FSTL4: variants seen among roughly 807,000 people sequenced by gnomAD.
FSTL4 encodes follistatin like 4, also known as follistatin-related protein 4.
In FSTL4, 28 loss-of-function variants were observed where a neutral mutation model predicts 78.2. The observed-to-expected ratio is 0.36, with a 90% CI of 0.27 to 0.49. The LOEUF (loss-of-function observed/expected upper bound fraction) is 0.49, where lower values mean the gene tolerates loss of function less well. FSTL4 is among the 20% of genes least tolerant of loss of function. The pLI, the probability that FSTL4 is intolerant of heterozygous loss-of-function variation, is 0.98. For missense variants in FSTL4, 922 were observed against 1,084.9 expected (o/e 0.85, Z 2.11); for synonymous variants, 422 against 440.5 (o/e 0.96, Z 0.53).
intron 3 of FSTL4, among the ~76,000 whole-genome samples, chr5:133,491,502 C>A (rs796197209): frequency 1.3e-5 from 2 of 151,858 alleles, no homozygotes; most frequent in African/African-American, 4.8e-5. Context: ...CAGGTTCATG[C>A]CATTCTCCTG....
At chr5:133,646,594 C>A in the FSTL4 span, among the ~76,000 whole-genome samples, 1 of 152,086 alleles carries the variant, frequency 6.6e-6, no homozygotes, top group South Asian at 2.1e-4. Context: ...TCACAGCTTT[C>A]CAGGGAAGCG....
the FSTL4 span, among the ~76,000 whole-genome samples, chr5:133,663,731 G>T: frequency 1.3e-4 from 20 of 152,256 alleles, no homozygotes; most frequent in Non-Finnish European, 2.6e-4. Context: ...CAAGCCAGAA[G>T]TGCTCCCCCA....
At chr5:133,617,872 G>A in the FSTL4 span, among the ~76,000 whole-genome samples, 2 of 152,170 alleles carry the variant, frequency 1.3e-5, no homozygotes, top group African/African-American at 4.8e-5. Flanking sequence ...ATCTAGCTGG[G>A]AGGGCATTTA....
intron 6 of FSTL4, among the ~76,000 whole-genome samples, chr5:133,277,420 T>C (rs1032121933): frequency 6.6e-6 from 1 of 152,184 alleles, no homozygotes; most frequent in African/African-American, 2.4e-5. Context: ...CTGGCGGCAC[T>C]GTATTTCTTA....
chr5:133,531,850 C>G (rs964508132), intron 3 of FSTL4, among the ~76,000 whole-genome samples: 8 of 152,202 alleles, frequency 5.3e-5, no homozygotes, highest in Admixed American at 3.9e-4. Flanking sequence ...GGACACAACC[C>G]TTCAATAATC....
At chr5:133,260,842 G>C (rs899283186) in intron 6 of FSTL4, among the ~76,000 whole-genome samples, 10 of 152,214 alleles carry the variant, frequency 6.6e-5, no homozygotes, top group African/African-American at 2.4e-4. Context: ...TTCAGGAGTG[G>C]GGTTTGGAAG....
chr5:133,715,498 A>G, the FSTL4 span, among the ~76,000 whole-genome samples: 20 of 152,244 alleles, frequency 1.3e-4, no homozygotes, highest in African/African-American at 4.8e-4. Context: ...GAACATTTGC[A>G]CAGACAGAAA....
chr5:133,366,140 G>C (rs1405733820), intron 4 of FSTL4, among the ~76,000 whole-genome samples: 1 of 152,176 alleles, frequency 6.6e-6, no homozygotes, highest in Non-Finnish European at 1.5e-5. Flanking sequence ...GTGCCACCTT[G>C]AACGTGTCAA....
intron 4 of FSTL4, among the ~76,000 whole-genome samples, chr5:133,376,752 G>C (rs1440306801): frequency 2.0e-5 from 3 of 152,036 alleles, no homozygotes; most frequent in Non-Finnish European, 4.4e-5. Flanking sequence ...AGCCAGGTGT[G>C]GTGGTGGGCA....
intron 4 of FSTL4, among the ~76,000 whole-genome samples, chr5:133,320,033 T>G (rs570701746): frequency 6.6e-6 from 1 of 152,252 alleles, no homozygotes; most frequent in East Asian, 1.9e-4. Context: ...GGGAAGGCTT[T>G]TGAGCCTTCA....
At chr5:133,371,735 T>C (rs1343668314) in intron 4 of FSTL4, among the ~76,000 whole-genome samples, 1 of 152,244 alleles carries the variant, frequency 6.6e-6, no homozygotes, top group African/African-American at 2.4e-5. Context: ...TGGGCATTGT[T>C]TGTTACAGGA....
intron 6 of FSTL4, among the ~76,000 whole-genome samples, chr5:133,291,323 C>T (rs1753258403): frequency 6.6e-6 from 1 of 152,168 alleles, no homozygotes. Flanking sequence ...ACAAGACCCT[C>T]CCCAGGGCAG....
intron 4 of FSTL4, among the ~76,000 whole-genome samples, chr5:133,395,632 T>G (rs1756014600): frequency 6.6e-6 from 1 of 152,204 alleles, no homozygotes; most frequent in Non-Finnish European, 1.5e-5. Context: ...GATCCACTTG[T>G]CTGCCTTTAT....
chr5:133,228,649 T>C (rs963559164), intron 8 of FSTL4, among the ~76,000 whole-genome samples: 3 of 152,212 alleles, frequency 2.0e-5, no homozygotes, highest in African/African-American at 7.2e-5. Flanking sequence ...GAAAAACCAT[T>C]TGATTCTCTT....
chr5:133,205,667 C>CT, intron 14 of FSTL4, among the ~76,000 whole-genome samples: 1 of 152,204 alleles, frequency 6.6e-6, no homozygotes, highest in Non-Finnish European at 1.5e-5. Context: ...CCAAACAAAA[C>CT]TTTATATTCT....
At chr5:133,647,894 G>A in the FSTL4 span, among the ~76,000 whole-genome samples, 4 of 152,154 alleles carry the variant, frequency 2.6e-5, no homozygotes, top group African/African-American at 9.7e-5. Flanking sequence ...GTTGTGGGAG[G>A]GACCCAGTGG....
chr5:133,540,987 C>T (rs923515813), intron 3 of FSTL4, among the ~76,000 whole-genome samples: 6 of 152,078 alleles, frequency 3.9e-5, no homozygotes, highest in African/African-American at 1.4e-4. Context: ...CCAGCCCGCT[C>T]TCACAGCCCC....
chr5:133,757,726 A>T, the FSTL4 span, among the ~76,000 whole-genome samples: 1 of 152,188 alleles, frequency 6.6e-6, no homozygotes, highest in Non-Finnish European at 1.5e-5. Flanking sequence ...AAGACCTCAG[A>T]CAAAGACACC....
chr5:133,285,207 G>A (rs1200422642), intron 6 of FSTL4, among the ~76,000 whole-genome samples: 2 of 152,266 alleles, frequency 1.3e-5, no homozygotes, highest in Non-Finnish European at 2.9e-5. Flanking sequence ...GCAGGGCACT[G>A]TTTGAAAGAA....
Sources: gnomAD v4.1 joint callset for allele counts (sites outside exome capture counted in the v4.1 genomes callset) on GRCh38, gnomAD v4.1.1 for gene constraint, MANE v1.5 for transcripts, NCBI Gene and HGNC (gene_info 2026-07-23, HGNC 2026-07-21) for gene names.